Variants in SRC observed in about 807,000 individuals in gnomAD.
SRC encodes the protein proto-oncogene tyrosine-protein kinase Src.
SRC carries 13 observed loss-of-function variants against 62.9 expected under a neutral mutation model. That is an observed-to-expected ratio of 0.21 (90% confidence interval 0.13 to 0.33). SRC has a LOEUF of 0.33. SRC is among the 10% of genes least tolerant of loss of function. The pLI, the probability that SRC is intolerant of heterozygous loss-of-function variation, is 1.00. For synonymous variants in SRC, 302 were observed against 317.5 expected (o/e 0.95, Z 0.52); for missense variants, 457 against 737.3 (o/e 0.62, Z 4.40).
At chr20:37,380,865 CT>C (rs201087548) in intron 2 of SRC, among the ~76,000 whole-genome samples, 7 of 151,300 alleles carry the variant, frequency 4.6e-5, no homozygotes, top group Non-Finnish European at 1.5e-5. Flanking sequence ...TTTTTCTTTT[CT>C]TTTTTTTTAA....
chr20:37,397,550 G>A lies in SRC; in HGVS notation c.704-149G>A, dbSNP rs1394590090. 3.7e-6 allele frequency: 4 copies of A among 1,080,952 alleles called. No individual in the cohort carries two copies. The highest frequency in any genetic ancestry group is 5.1e-6 in the Non-Finnish European group (4 of 789,500). The allele number at this position is 1,080,952 out of a possible 1,614,324, so 67.0% of individuals were successfully genotyped here. A position where few individuals can be genotyped will look rare whatever the true frequency, so the allele number is the denominator to read the frequency against. ...GGCCTGTGTGGGGGTGGGGCTGTGT[G>A]CACACAGATGTAGATGCCTGGCTTT... On this transcript the variant is annotated intron_variant, in intron 8 of 13. Coordinates refer to ENST00000373578, the MANE Select transcript of SRC (RefSeq NM_198291.3). This position sits in a 1 kb window ranked among gnomAD's most constrained non-coding sequence, Gnocchi z 4.1.
chr20:37,393,714 G>A, intron 5 of SRC, 181 bp from the exon 6 acceptor site: 2 of 577,668 alleles, frequency 3.5e-6, no homozygotes, highest in South Asian at 4.5e-5. Flanking sequence ...GCGCCAGGGA[G>A]GGGAGGAGTT....
At chr20:37,393,841 G>T in intron 5 of SRC, 54 bp from the exon 6 acceptor site, 2 of 1,390,270 alleles carry the variant, frequency 1.4e-6, no homozygotes, top group South Asian at 2.4e-5. Flanking sequence ...TGGGCACCGG[G>T]CTTGTGGCTG....
intron 1 of SRC, among the ~76,000 whole-genome samples, chr20:37,358,800 C>T (rs1458780682): frequency 6.6e-6 from 1 of 152,260 alleles, no homozygotes; most frequent in African/African-American, 2.4e-5. Context: ...GGCCCCGTCC[C>T]CAGTGCACCC....
At chr20:37,347,379 T>G (rs891367946) in intron 1 of SRC, among the ~76,000 whole-genome samples, 2 of 152,236 alleles carry the variant, frequency 1.3e-5, no homozygotes, top group African/African-American at 4.8e-5. Context: ...TCTCACCCAG[T>G]GACCTGGGCC....
intron 7 of SRC, among the ~76,000 whole-genome samples, chr20:37,394,663 C>T (rs1050931933): frequency 2.6e-5 from 4 of 152,096 alleles, no homozygotes; most frequent in Non-Finnish European, 5.9e-5. Flanking sequence ...TTTTGCCCTC[C>T]CCCAACTGCA....
chr20:37,389,508 C>A (rs982139038), intron 5 of SRC, among the ~76,000 whole-genome samples: 1 of 152,344 alleles, frequency 6.6e-6, no homozygotes, highest in African/African-American at 2.4e-5. Flanking sequence ...CCTCACCCCA[C>A]AGACCATGTG....
intron 2 of SRC, among the ~76,000 whole-genome samples, chr20:37,376,188 A>ACAC (rs2070274859): frequency 6.6e-6 from 1 of 152,182 alleles, no homozygotes; most frequent in Non-Finnish European, 1.5e-5. Context: ...CCACCAGACA[A>ACAC]CACCCCTCAG....
At position 37,384,935 on chromosome 20, in the gene SRC, A is replaced by G. The variant is rs1450886672; in HGVS notation, c.250+532A>G. Among the ~76,000 whole-genome samples, 1 of 152,142 alleles carries G rather than the reference A, an allele frequency of 6.6e-6. No individual in the cohort carries two copies. Among genetic ancestry groups the G allele is most frequent in the Non-Finnish European group, 1.5e-5 (1 of 68,004 alleles). ...GCCGCGGCGGTGCCCCAGACACTCCACGCAGACTTCACTCCTTCACTCAGA... is the reference window on the plus strand; with the variant it reads ...GCCGCGGCGGTGCCCCAGACACTCCGCGCAGACTTCACTCCTTCACTCAGA... On this transcript the variant is annotated intron_variant, in intron 4 of 13. Transcript: ENST00000373578. This position sits in a 1 kb window ranked among gnomAD's most constrained non-coding sequence, Gnocchi z 6.7.
chr20:37,384,161 G>A lies in SRC; in HGVS notation c.8G>A (p.Ser3Asn). The A allele has an allele frequency of 6.2e-7, 1 of 1,600,506 alleles. No individual in the cohort carries two copies. Among genetic ancestry groups the A allele is most frequent in the Non-Finnish European group, 8.5e-7 (1 of 1,176,712 alleles). MG[S>N]NKSKPKDASQ... Reference sequence around the variant, plus strand: ...CTCTCTCCTGCCAGGACCATGGGTAGCAACAAGAGCAAGCCCAAGGATGCC... The same window carrying A: ...CTCTCTCCTGCCAGGACCATGGGTAACAACAAGAGCAAGCCCAAGGATGCC... The change falls in exon 4 of 14, where the codon AGC becomes AAC. Residue 3 changes from serine to asparagine, a missense_variant. This residue lies in a region of SRC where 132 missense variants were observed against 135.4 expected (regional missense o/e 0.98). Coordinates refer to ENST00000373578, the MANE Select transcript of SRC (RefSeq NM_198291.3). The surrounding 1 kb of genome is among the most constrained non-coding windows in gnomAD (Gnocchi z 6.7).
rs750108303 is a variant in SRC, at chr20:37,403,231, C to T, written c.1463C>T (p.Pro488Leu). 46 of 1,579,478 alleles carry T rather than the reference C, an allele frequency of 2.9e-5. No individual in the cohort carries two copies. Among genetic ancestry groups the T allele is most frequent in the East Asian group, 4.6e-5 (2 of 43,260 alleles). Residue 488 changes from proline (P) to leucine (L), a missense_variant, in exon 14 of 14, where the codon CCG becomes CTG. Transcript: ENST00000373578. The surrounding 1 kb of genome is among the most constrained non-coding windows in gnomAD (Gnocchi z 7.1). ...VERGYRMPCP[P>L]ECPESLHDLM... ...CGGGGCTACCGGATGCCCTGCCCGC[C>T]GGAGTGTCCCGAGTCCCTGCACGAC...
At chr20:37,395,297 A>C (rs1192695219) in intron 7 of SRC, among the ~76,000 whole-genome samples, 1 of 152,016 alleles carries the variant, frequency 6.6e-6, no homozygotes, top group Non-Finnish European at 1.5e-5. Context: ...GCAGAGGGGG[A>C]GGTCTGTGGG....
intron 5 of SRC, among the ~76,000 whole-genome samples, chr20:37,391,117 T>G (rs1332977717): frequency 6.6e-6 from 1 of 152,170 alleles, no homozygotes; most frequent in Non-Finnish European, 1.5e-5. Context: ...CCTGCCAGCC[T>G]TCCACTCTGG....
rs2070799952 is a variant in SRC at position 37,404,791 on chromosome 20, G to A, written c.*1412G>A. 4.3e-6 allele frequency: 1 copy of A among 233,576 alleles called. No individual in the cohort carries two copies. Among genetic ancestry groups the A allele is most frequent in the East Asian group, 6.0e-5 (1 of 16,604 alleles). The allele number at this position is 233,576 out of a possible 1,614,324, so 14.5% of individuals were successfully genotyped here. A position where few individuals can be genotyped will look rare whatever the true frequency, so the allele number is the denominator to read the frequency against. On this transcript the variant is annotated 3_prime_UTR_variant, in exon 14 of 14. Coordinates refer to ENST00000373578, the MANE Select transcript of SRC (RefSeq NM_198291.3). ...GGCTCTGGCTCTGTTCGGCCTTTGGGTGTGTGGTGGATTCTCCCTGGGCCT... is the reference window on the plus strand; with the variant it reads ...GGCTCTGGCTCTGTTCGGCCTTTGGATGTGTGGTGGATTCTCCCTGGGCCT...
chr20:37,394,127 G>C, intron 6 of SRC, 47 bp from the exon 7 acceptor site: 1 of 1,585,906 alleles, frequency 6.3e-7, no homozygotes, highest in Non-Finnish European at 8.7e-7. Context: ...CTGTGAGTGG[G>C]CAGAAGCCTG....
chr20:37,370,975 CTTCTTCTTCTTCTTCTT>C (rs2070154023), intron 2 of SRC, among the ~76,000 whole-genome samples: 1 of 136,466 alleles, frequency 7.3e-6, no homozygotes, highest in African/African-American at 3.2e-5. Flanking sequence ...TCTTCTTCTT[CTTCTTCTTCTTCTTCTT>C]TTTTTTTTTT....
chr20:37,388,135 G>A (rs1480408639), intron 5 of SRC, among the ~76,000 whole-genome samples: 4 of 152,208 alleles, frequency 2.6e-5, no homozygotes, highest in Admixed American at 1.3e-4. Flanking sequence ...TCTACCAAGC[G>A]TCTCAGACTG....
chr20:37,357,671 C>T (rs1016636515), intron 1 of SRC, among the ~76,000 whole-genome samples: 11 of 152,250 alleles, frequency 7.2e-5, no homozygotes, highest in Non-Finnish European at 1.5e-4. Context: ...AAGATCCTCA[C>T]TTGGACTGGG....
intron 5 of SRC, among the ~76,000 whole-genome samples, chr20:37,391,833 G>A (rs1304748882): frequency 6.6e-6 from 1 of 152,186 alleles, no homozygotes; most frequent in East Asian, 1.9e-4. Context: ...CAGCCTGGGT[G>A]ATAGAGCAAG....
Sources: gnomAD v4.1 joint callset for allele counts (sites outside exome capture counted in the v4.1 genomes callset) on GRCh38, gnomAD v4.1.1 for gene constraint, gnomAD v4.1.1 regional missense constraint, Gnocchi (gnomAD v3.1) non-coding constraint, MANE v1.5 for transcripts, NCBI Gene and HGNC (gene_info 2026-07-23, HGNC 2026-07-21) for gene names.